The following CHST8 variants were observed in gnomAD, a reference collection of about 807,000 sequenced individuals.
CHST8 encodes the protein carbohydrate sulfotransferase 8, also known as GALNAC-4-ST1.
CHST8 carries 10 observed loss-of-function variants against 15.0 expected under a neutral mutation model. The observed-to-expected ratio is 0.67, with a 90% CI of 0.41 to 1.13. The LOEUF is 1.13. Ranked by LOEUF, CHST8 falls within the 50% of genes most tolerant of loss-of-function variation. The pLI is 0.00. For synonymous variants in CHST8, 259 were observed against 256.6 expected, an observed-to-expected ratio of 1.01 and a Z score of -0.09; for missense variants, 634 against 608.2, an observed-to-expected ratio of 1.04 and a Z score of -0.45.
In CHST8 at chr19:33,631,885, T is replaced by C. The variant is rs184219758; in HGVS notation, c.-164+9589T>C. Among the ~76,000 whole-genome samples the C allele has an allele frequency of 4.5e-4, 69 of 152,290 alleles. No homozygotes were observed. The East Asian group carries it at 0.011, about 24-fold the overall frequency. On this transcript the variant is annotated intron_variant, in intron 1 of 4. Coordinates refer to ENST00000650847, the MANE Select transcript of CHST8 (RefSeq NM_001127895.2). The stretch of plus-strand genomic sequence containing the variant: ...TCACTGTGTGGGCTAGGGACCCAGT[T>C]TCCTCATCCACAAAACGGGGTTAAC...
At chr19:33,745,398 C>T (rs901146192) in intron 3 of CHST8, among the ~76,000 whole-genome samples, 1 of 152,240 alleles carries the variant, frequency 6.6e-6, no homozygotes, top group African/African-American at 2.4e-5. Context: ...TTAACGGAGG[C>T]ATTACTGCCT....
chr19:33,646,794 T>C (rs1423027279), intron 1 of CHST8, among the ~76,000 whole-genome samples: 1 of 152,148 alleles, frequency 6.6e-6, no homozygotes, highest in East Asian at 1.9e-4. Flanking sequence ...TACACCTGTT[T>C]GTCCCAGGTA....
chr19:33,706,546 G>A (rs73926592), intron 3 of CHST8, among the ~76,000 whole-genome samples: 4,698 of 152,210 alleles, frequency 0.031, 243 homozygotes, highest in African/African-American at 0.11. Context: ...GCAGGCAGGG[G>A]CAAATGACTT....
At chr19:33,750,780 C>T (rs1974401983) in intron 3 of CHST8, among the ~76,000 whole-genome samples, 1 of 152,124 alleles carries the variant, frequency 6.6e-6, no homozygotes, top group African/African-American at 2.4e-5. Flanking sequence ...AGGGAAGAGG[C>T]AGTGGTGGGC....
At chr19:33,721,840 G>C (rs1197445781) in intron 3 of CHST8, among the ~76,000 whole-genome samples, 2 of 151,406 alleles carry the variant, frequency 1.3e-5, no homozygotes, top group African/African-American at 4.9e-5. Flanking sequence ...TGTTTGTATA[G>C]AGGGATGGAT....
rs199775566 is a variant in CHST8 at position 33,773,082 on chromosome 19, G to C, written c.*19G>C. The C allele has an allele frequency of 1.3e-6, 2 of 1,571,332 alleles. No homozygotes were observed. Among genetic ancestry groups the C allele is most frequent in the Non-Finnish European group, 1.7e-6 (2 of 1,162,208 alleles). ...GTACTGAGGGGCGCCGCAGCTGGCC[G>C]GGGCCGCCCTGCCCCGGTCACTCAC... On this transcript the variant is annotated 3_prime_UTR_variant, in exon 5 of 5. Coordinates refer to ENST00000650847, the MANE Select transcript of CHST8 (RefSeq NM_001127895.2).
At chr19:33,722,077 A>G (rs1410063167) in intron 3 of CHST8, among the ~76,000 whole-genome samples, 2 of 146,608 alleles carry the variant, frequency 1.4e-5, no homozygotes, top group East Asian at 4.2e-4. Context: ...AGATGGATGG[A>G]TGGATGGATG....
intron 2 of CHST8, among the ~76,000 whole-genome samples, chr19:33,668,097 T>C (rs1238903705): frequency 1.3e-5 from 2 of 152,164 alleles, no homozygotes; most frequent in African/African-American, 4.8e-5. Context: ...CATCTGACAC[T>C]CGGTTTTCGA....
intron 2 of CHST8, among the ~76,000 whole-genome samples, chr19:33,678,441 A>G (rs1972838078): frequency 6.6e-6 from 1 of 152,114 alleles, no homozygotes; most frequent in Non-Finnish European, 1.5e-5. Flanking sequence ...TCCAGGGAAA[A>G]TCATGCTGGA....
intron 3 of CHST8, among the ~76,000 whole-genome samples, chr19:33,702,526 A>T (rs2145280240): frequency 6.6e-6 from 1 of 152,338 alleles, no homozygotes; most frequent in East Asian, 1.9e-4. Context: ...TACAACAAAG[A>T]CACCTTCTGA....
intron 3 of CHST8, among the ~76,000 whole-genome samples, chr19:33,735,962 C>A (rs80176421): frequency 6.6e-6 from 1 of 152,246 alleles, no homozygotes; most frequent in Non-Finnish European, 1.5e-5. Context: ...CACCCGCCAC[C>A]TGGCAATGTC....
chr19:33,770,330 T>C (rs1320693444), intron 3 of CHST8, among the ~76,000 whole-genome samples: 1 of 152,162 alleles, frequency 6.6e-6, no homozygotes, highest in African/African-American at 2.4e-5. Context: ...AGCCAGAAGA[T>C]CCAGCTCTCT....
intron 3 of CHST8, among the ~76,000 whole-genome samples, chr19:33,716,900 G>A (rs915067458): frequency 5.3e-5 from 8 of 152,160 alleles, no homozygotes; most frequent in African/African-American, 1.9e-4. Context: ...CCTTTCTCCT[G>A]GGTTTGTAGA....
intron 2 of CHST8, among the ~76,000 whole-genome samples, chr19:33,686,528 GAT>G (rs1275000966): frequency 6.6e-6 from 1 of 152,206 alleles, no homozygotes; most frequent in Non-Finnish European, 1.5e-5. Context: ...ATGAGATGAT[GAT>G]CACACATGCT....
At chr19:33,757,640 T>C in intron 3 of CHST8, among the ~76,000 whole-genome samples, 1 of 151,288 alleles carries the variant, frequency 6.6e-6, no homozygotes. Flanking sequence ...AAGGGGCTCT[T>C]GGACAGGTAT....
At chr19:33,704,786 T>C (rs1377995304) in intron 3 of CHST8, among the ~76,000 whole-genome samples, 1 of 151,846 alleles carries the variant, frequency 6.6e-6, no homozygotes, top group African/African-American at 2.4e-5. Context: ...GGCAGGCACC[T>C]ATAATCCCAG....
chr19:33,695,525 T>A (rs978821673), intron 3 of CHST8, among the ~76,000 whole-genome samples: 1 of 152,144 alleles, frequency 6.6e-6, no homozygotes, highest in African/African-American at 2.4e-5. Flanking sequence ...ACCCAAGCAG[T>A]GTACACCATA....
intron 3 of CHST8, among the ~76,000 whole-genome samples, chr19:33,714,989 C>T (rs938714913): frequency 6.6e-6 from 1 of 152,220 alleles, no homozygotes; most frequent in Admixed American, 6.5e-5. Context: ...CCAGCCCCTC[C>T]CTCCACAGGC....
intron 1 of CHST8, among the ~76,000 whole-genome samples, chr19:33,654,085 C>T (rs1023735144): frequency 3.3e-5 from 5 of 152,112 alleles, no homozygotes; most frequent in African/African-American, 9.7e-5. Flanking sequence ...TAGATTCACC[C>T]CTGGATCACC....
Sources: gnomAD v4.1 joint callset for allele counts (sites outside exome capture counted in the v4.1 genomes callset) on GRCh38, gnomAD v4.1.1 for gene constraint, MANE v1.5 for transcripts, NCBI Gene and HGNC (gene_info 2026-07-23, HGNC 2026-07-21) for gene names.